Variants in MALRD1 observed in about 807,000 individuals in gnomAD.
MALRD1 encodes MAM and LDL-receptor class A domain-containing protein 1.
In MALRD1, 247 loss-of-function variants were observed where a neutral mutation model predicts 242.1. The observed-to-expected ratio is 1.02, with a 90% CI of 0.92 to 1.13. MALRD1 has a LOEUF of 1.13. MALRD1 is among the 50% of genes most tolerant of loss of function. MALRD1 has a pLI of 0.00. For missense variants in MALRD1, 2,989 were observed against 2,533.1 expected, an observed-to-expected ratio of 1.18 and a Z score of -3.86; for synonymous variants, 995 against 866.6, an observed-to-expected ratio of 1.15 and a Z score of -2.60.
intron 28 of MALRD1, among the ~76,000 whole-genome samples, chr10:19,438,454 ATGT>A (rs1027014382): frequency 6.6e-6 from 1 of 152,202 alleles, no homozygotes; most frequent in Non-Finnish European, 1.5e-5. Context: ...ATTGCAAATA[ATGT>A]TGTTATTAAC....
chr10:19,181,059 G>A (rs1835481206), intron 14 of MALRD1, among the ~76,000 whole-genome samples: 1 of 150,508 alleles, frequency 6.6e-6, no homozygotes, highest in Non-Finnish European at 1.5e-5. Flanking sequence ...TTAAAAAAAA[G>A]CGTAACACAT....
rs181540006 is a variant in MALRD1 at position 19,445,013 on chromosome 10, T to G, written c.4846-5294T>G. The stretch of plus-strand genomic sequence containing the variant: ...GGAGGCTTTGTTCATTTCTTTTTAC[T>G]CTTTTTTCTCTAACCTTGTTTTCTT... On this transcript the variant is annotated intron_variant, in intron 28 of 39. Transcript: ENST00000454679. Among the ~76,000 whole-genome samples, 257 of 152,340 alleles carry G rather than the reference T, an allele frequency of 1.7e-3. 2 individuals carry two copies. The highest frequency in any genetic ancestry group is 3.1e-3 in the Non-Finnish European group (212 of 68,024).
At chr10:19,295,462 G>GTGT (rs1841650449) in intron 21 of MALRD1, among the ~76,000 whole-genome samples, 7 of 149,014 alleles carry the variant, frequency 4.7e-5, no homozygotes, top group African/African-American at 1.5e-4. Context: ...GTATGTTTTG[G>GTGT]GTGTGTGTGT....
chr10:19,248,768 C>G (rs1839172154), intron 18 of MALRD1, among the ~76,000 whole-genome samples: 1 of 151,092 alleles, frequency 6.6e-6, no homozygotes, highest in Admixed American at 6.6e-5. Context: ...CAAATCTAAA[C>G]TAAGAATTTT....
intron 26 of MALRD1, among the ~76,000 whole-genome samples, chr10:19,383,279 C>T (rs1057507768): frequency 5.3e-5 from 8 of 152,078 alleles, no homozygotes; most frequent in Non-Finnish European, 1.0e-4. Flanking sequence ...GTTTCACTCC[C>T]ATTGATAAGT....
At chr10:19,221,436 A>G (rs1837551433) in intron 18 of MALRD1, among the ~76,000 whole-genome samples, 1 of 152,198 alleles carries the variant, frequency 6.6e-6, no homozygotes, top group South Asian at 2.1e-4. Context: ...CAACACTCAG[A>G]TTTGTTGCAT....
At chr10:19,117,617 A>G (rs1836918273) in intron 5 of MALRD1, among the ~76,000 whole-genome samples, 2 of 152,208 alleles carry the variant, frequency 1.3e-5, no homozygotes, top group South Asian at 2.1e-4. Context: ...GTTATTGTGC[A>G]ATCTTAGCTT....
chr10:19,238,132 T>C (rs1297414938), intron 18 of MALRD1, among the ~76,000 whole-genome samples: 1 of 61,138 alleles, frequency 1.6e-5, no homozygotes, highest in Non-Finnish European at 2.8e-5. Context: ...ATATATTATG[T>C]ATATAATATA....
At chr10:19,445,439 T>A (rs78041341) in intron 28 of MALRD1, among the ~76,000 whole-genome samples, 2 of 152,218 alleles carry the variant, frequency 1.3e-5, no homozygotes. Flanking sequence ...TCCCCATCTT[T>A]GTGGTTTTAT....
At chr10:19,131,582 AT>A (rs1162119034) in intron 8 of MALRD1, among the ~76,000 whole-genome samples, 2 of 152,076 alleles carry the variant, frequency 1.3e-5, no homozygotes, top group Non-Finnish European at 2.9e-5. Flanking sequence ...TTACAACCAA[AT>A]TTACTTGTAA....
intron 39 of MALRD1, among the ~76,000 whole-genome samples, chr10:19,731,243 T>C (rs1835283861): frequency 1.3e-5 from 2 of 152,312 alleles, no homozygotes; most frequent in African/African-American, 4.8e-5. Context: ...AAAAAACAAA[T>C]GAGAATGTAT....
intron 34 of MALRD1, among the ~76,000 whole-genome samples, chr10:19,600,996 C>T (rs530950494): frequency 3.9e-5 from 6 of 152,074 alleles, no homozygotes; most frequent in Admixed American, 2.6e-4. Context: ...GCAATCCCCC[C>T]ACCTTAGTCT....
intron 31 of MALRD1, among the ~76,000 whole-genome samples, chr10:19,514,889 A>G (rs370265409): frequency 8.5e-5 from 13 of 152,138 alleles, no homozygotes; most frequent in Admixed American, 4.6e-4. Flanking sequence ...CTTGTTTTGT[A>G]TCAGTGTACT....
chr10:19,523,104 C>T (rs1833952361), intron 31 of MALRD1, among the ~76,000 whole-genome samples: 1 of 152,064 alleles, frequency 6.6e-6, no homozygotes, highest in Non-Finnish European at 1.5e-5. Flanking sequence ...TACCACAACC[C>T]CATGAGGCTG....
intron 33 of MALRD1, among the ~76,000 whole-genome samples, chr10:19,591,042 C>T (rs905592921): frequency 1.3e-5 from 2 of 152,324 alleles, no homozygotes; most frequent in Non-Finnish European, 1.5e-5. Flanking sequence ...CTCCTGTGCT[C>T]TACCTATTCA....
intron 28 of MALRD1, among the ~76,000 whole-genome samples, chr10:19,401,193 C>A (rs954471301): frequency 6.6e-6 from 1 of 152,046 alleles, no homozygotes; most frequent in Non-Finnish European, 1.5e-5. Flanking sequence ...ATTTATTCTA[C>A]CCTCTACAGT....
chr10:19,279,193 TTG>T (rs1840686850), intron 19 of MALRD1, among the ~76,000 whole-genome samples: 1 of 152,188 alleles, frequency 6.6e-6, no homozygotes, highest in South Asian at 2.1e-4. Context: ...CAAGGGTCCT[TTG>T]TGACTGGGCC....
intron 28 of MALRD1, among the ~76,000 whole-genome samples, chr10:19,395,504 G>T (rs1297577469): frequency 6.6e-6 from 1 of 152,136 alleles, no homozygotes; most frequent in African/African-American, 2.4e-5. Flanking sequence ...CTTTCCAAGG[G>T]AGGCAATCAG....
At chr10:19,267,475 A>G (rs1840018050) in intron 19 of MALRD1, among the ~76,000 whole-genome samples, 1 of 151,882 alleles carries the variant, frequency 6.6e-6, no homozygotes, top group Non-Finnish European at 1.5e-5. Flanking sequence ...CATTTTTGGC[A>G]TCCCTTCTCG....
Sources: allele counts gnomAD v4.1 joint callset (sites outside exome capture counted in the v4.1 genomes callset), GRCh38; gene constraint gnomAD v4.1.1; transcripts MANE v1.5; gene names NCBI Gene and HGNC (gene_info 2026-07-23, HGNC 2026-07-21).